Variants in AHCTF1 observed in about 807,000 individuals in gnomAD.
AHCTF1 encodes protein ELYS.
AHCTF1 carries 24 observed loss-of-function variants against 248.4 expected under a neutral mutation model. The observed-to-expected ratio is 0.10, with a 90% CI of 0.07 to 0.14. The LOEUF is 0.14. Ranked by LOEUF, AHCTF1 falls within the 10% of genes least tolerant of loss-of-function variation. AHCTF1 has a pLI of 1.00. For synonymous variants in AHCTF1, 786 were observed against 929.8 expected (o/e 0.85, Z 2.81); for missense variants, 2,206 against 2,636.2 (o/e 0.84, Z 3.57).
chr1:246,861,108 C>T lies in AHCTF1; in HGVS notation c.3923G>A (p.Ser1308Asn). 6.2e-7 allele frequency: 1 copy of T among 1,614,050 alleles called. No individual in the cohort carries two copies. Among genetic ancestry groups the T allele is most frequent in the Non-Finnish European group, 8.5e-7 (1 of 1,180,016 alleles). Residue 1308 changes from serine to asparagine, a missense_variant, in exon 29 of 36, where the codon AGC (serine) becomes AAC (asparagine). Ser to Asn is a conservative substitution (Grantham distance 46). Coordinates refer to ENST00000648844, the MANE Select transcript of AHCTF1 (RefSeq NM_001323342.2). ...CTCATCGGATGTGATTGAAACACTG[C>T]TGTTTCCTTTGCTCACATCCAGTTT... Reference protein sequence around the residue: ...LEKLDVSKGNSSVSITSDETT... With the variant: ...LEKLDVSKGNNSVSITSDETT...
chr1:246,866,872 A>G (rs1662016708), intron 26 of AHCTF1, among the ~76,000 whole-genome samples: 1 of 152,210 alleles, frequency 6.6e-6, no homozygotes, highest in African/African-American at 2.4e-5. Flanking sequence ...ACATTTTAGT[A>G]GGCACTGTTC....
intron 24 of AHCTF1, among the ~76,000 whole-genome samples, chr1:246,869,113 G>GA (rs888377527): frequency 3.3e-5 from 5 of 152,000 alleles, no homozygotes; most frequent in South Asian, 2.1e-4. Context: ...CAAAGTGCTG[G>GA]ATTACAGGCG....
intron 1 of AHCTF1, among the ~76,000 whole-genome samples, chr1:246,928,084 G>A (rs920178211): frequency 9.2e-5 from 14 of 151,900 alleles, no homozygotes; most frequent in African/African-American, 1.5e-4. Context: ...GGTGGATCAC[G>A]AGGTCAGGAG....
At chr1:246,895,296 T>G (rs1304187169) in intron 13 of AHCTF1, among the ~76,000 whole-genome samples, 1 of 152,202 alleles carries the variant, frequency 6.6e-6, no homozygotes, top group Non-Finnish European at 1.5e-5. Context: ...TCCTTATTCT[T>G]AGAAGCAGCA....
intron 21 of AHCTF1, among the ~76,000 whole-genome samples, chr1:246,881,542 T>A (rs551730148): frequency 6.6e-6 from 1 of 152,174 alleles, no homozygotes; most frequent in East Asian, 1.9e-4. Context: ...TTTTTTTAAA[T>A]AGAAGCAGGG....
chr1:246,918,002 T>C (rs1039059889), intron 2 of AHCTF1, among the ~76,000 whole-genome samples: 8 of 152,150 alleles, frequency 5.3e-5, no homozygotes, highest in Non-Finnish European at 1.0e-4. Flanking sequence ...ACATAGATAA[T>C]ACTAAGATAC....
chr1:246,903,859 C>T lies in AHCTF1; in HGVS notation c.966+90G>A, dbSNP rs539298063. The T allele has an allele frequency of 3.2e-5, 26 of 808,690 alleles. 1 individual carries two copies. In the South Asian group the frequency reaches 4.0e-4, roughly 12 times the overall value. 50.1% of individuals were successfully genotyped at this position (808,690 alleles called of 1,614,324 possible). The stretch of plus-strand genomic sequence containing the variant: ...TCTCAAAAAAAAAAAAAAAAAGAAT[C>T]ACTTTTCAATATCTTAAAACAAAGA... On this transcript the variant is annotated intron_variant, in intron 7 of 35. Transcript: ENST00000648844.
At chr1:246,874,189 T>C (rs1489296441) in intron 24 of AHCTF1, among the ~76,000 whole-genome samples, 1 of 152,178 alleles carries the variant, frequency 6.6e-6, no homozygotes, top group Non-Finnish European at 1.5e-5. Flanking sequence ...CAAGTAGACA[T>C]GCCAACAAAT....
At position 246,841,002 on chromosome 1, in the gene AHCTF1, A is replaced by G. The variant is rs762612214; in HGVS notation, c.6609-4T>C. On this transcript the variant is annotated splice_region_variant and splice_polypyrimidine_tract_variant and intron_variant, in intron 35 of 35. Coordinates refer to ENST00000648844, the MANE Select transcript of AHCTF1 (RefSeq NM_001323342.2). ...AGCACTTTCTTTTTCTGTGTTTCTG[A>G]AAAAAAAAGATATGATCAAGTAAGA... 35 of 1,568,136 alleles carry G rather than the reference A, an allele frequency of 2.2e-5. No homozygotes were observed. The highest frequency in any genetic ancestry group is 2.0e-4 in the South Asian group (17 of 85,030).
intron 7 of AHCTF1, 97 bp downstream of exon 7, chr1:246,903,852 A>G (rs1665192016): frequency 2.9e-6 from 3 of 1,042,680 alleles, no homozygotes; most frequent in East Asian, 5.2e-5. Flanking sequence ...AAAAAAAAAA[A>G]AAGAATCACT....
chr1:246,929,234 C>G (rs1667154797), intron 1 of AHCTF1, among the ~76,000 whole-genome samples: 1 of 152,032 alleles, frequency 6.6e-6, no homozygotes, highest in African/African-American at 2.4e-5. Context: ...CATGGTGAAA[C>G]CCCGTCTCTA....
At position 246,905,550 on chromosome 1, in the gene AHCTF1, G is replaced by A. The variant is rs748850182; in HGVS notation, c.872C>T (p.Thr291Ile). ...TTTGTATGAGACCTACCTATCTTGT[G>A]TAGACTGAACAGCCCACAAGTAACA... ...NCCYLWAVQS[T>I]QDSEGDVLSL... The change falls in exon 6 of 36, where the codon ACA becomes ATA. Residue 291 changes from threonine (T) to isoleucine (I), a missense_variant. Physicochemically the swap from Thr to Ile is moderately conservative, Grantham distance 89. Around this residue, in one of 6 missense-constraint regions of AHCTF1, gnomAD observed 650 missense variants for 870.8 expected, o/e 0.75. Transcript: ENST00000648844. The A allele has an allele frequency of 1.2e-6, 2 of 1,611,296 alleles. No individual in the cohort carries two copies. Among genetic ancestry groups the A allele is most frequent in the Non-Finnish European group, 1.7e-6 (2 of 1,179,194 alleles).
At chr1:246,845,449 G>C (rs559684935) in intron 33 of AHCTF1, among the ~76,000 whole-genome samples, 1 of 152,194 alleles carries the variant, frequency 6.6e-6, no homozygotes, top group Non-Finnish European at 1.5e-5. Flanking sequence ...AAATGGCAAT[G>C]GCTAGGTCTA....
chr1:246,909,107 CTATT>C (rs1331407554), intron 4 of AHCTF1, among the ~76,000 whole-genome samples: 6 of 149,592 alleles, frequency 4.0e-5, no homozygotes, highest in Non-Finnish European at 5.9e-5. Context: ...ATCTATCTAT[CTATT>C]TATATATATA....
chr1:246,877,171 G>A lies in AHCTF1; in HGVS notation c.2792C>T (p.Thr931Ile). The A allele has an allele frequency of 6.2e-7, 1 of 1,612,734 alleles. No homozygotes were observed. The highest frequency in any genetic ancestry group is 8.5e-7 in the Non-Finnish European group (1 of 1,179,792). ...LMEDLLKLPF[T>I]DTEQECLVKF... ...GTAAGTAATTACCTGCTCAGTGTCTGTAAATGGTAACTTCAGTAAATCTTC... is the reference window on the plus strand; with the variant it reads ...GTAAGTAATTACCTGCTCAGTGTCTATAAATGGTAACTTCAGTAAATCTTC... Residue 931 changes from threonine (T) to isoleucine (I), a missense_variant, in exon 22 of 36, where the codon ACA becomes ATA. Thr to Ile is a moderately conservative substitution (Grantham distance 89). This residue lies in a region of AHCTF1 where 955 missense variants were observed against 1,055.6 expected (regional missense o/e 0.90). Transcript: ENST00000648844.
In AHCTF1 at chr1:246,863,911, C is replaced by G. The variant is rs752260137; in HGVS notation, c.3540+13G>C. 7.4e-6 allele frequency: 12 copies of G among 1,612,870 alleles called. No individual in the cohort carries two copies. The highest frequency in any genetic ancestry group is 1.7e-5 in the Admixed American group (1 of 59,948). ...CTAGTTTGATTGTGAACGCTAGATG[C>G]GTAAATACTAACCTTAACTACAAGA... On this transcript the variant is annotated intron_variant, in intron 27 of 35. Transcript: ENST00000648844.
chr1:246,894,357 C>T (rs1020160098), intron 14 of AHCTF1, among the ~76,000 whole-genome samples: 4 of 152,024 alleles, frequency 2.6e-5, no homozygotes, highest in East Asian at 3.9e-4. Context: ...CGGATCACAA[C>T]GTCAGGAGAT....
chr1:246,881,175 A>C (rs927184459), intron 21 of AHCTF1, among the ~76,000 whole-genome samples: 3 of 152,250 alleles, frequency 2.0e-5, no homozygotes, highest in Non-Finnish European at 4.4e-5. Flanking sequence ...TAAATAAAAA[A>C]GGTTATTTGT....
chr1:246,876,338 A>G (rs776751714), intron 23 of AHCTF1, 151 bp from the exon 24 acceptor site: 9 of 646,636 alleles, frequency 1.4e-5, no homozygotes, highest in Admixed American at 6.9e-5. Context: ...CTTCATCCAC[A>G]TATCTAATTT....
Sources: gnomAD v4.1 joint callset for allele counts (sites outside exome capture counted in the v4.1 genomes callset) on GRCh38, gnomAD v4.1.1 for gene constraint, gnomAD v4.1.1 regional missense constraint, MANE v1.5 for transcripts, NCBI Gene and HGNC (gene_info 2026-07-23, HGNC 2026-07-21) for gene names.